Variants in SMARCC1 observed in about 807,000 individuals in gnomAD.
SMARCC1 encodes the protein SWI/SNF complex subunit SMARCC1.
A neutral mutation model predicts 147.4 loss-of-function variants in SMARCC1; 43 were observed. The ratio of observed to expected loss-of-function variants is 0.29; its 90% confidence interval spans 0.23 to 0.38. The LOEUF (loss-of-function observed/expected upper bound fraction) is 0.38. Among genes scored for constraint, SMARCC1 ranks in the 10% least tolerant of loss-of-function variants. The pLI is 1.00. For missense variants in SMARCC1, 1,119 were observed against 1,381.1 expected, an observed-to-expected ratio of 0.81 and a Z score of 3.01; for synonymous variants, 495 against 484.4, an observed-to-expected ratio of 1.02 and a Z score of -0.29.
chr3:47,763,418 A>AAT (rs1457528501), intron 2 of SMARCC1, among the ~76,000 whole-genome samples: 1 of 151,674 alleles, frequency 6.6e-6, no homozygotes, highest in East Asian at 1.9e-4. Flanking sequence ...AAAAAAAAAA[A>AAT]AAATTATAAA....
chr3:47,660,854 T>A (rs983168995), intron 21 of SMARCC1, among the ~76,000 whole-genome samples: 3 of 152,204 alleles, frequency 2.0e-5, no homozygotes, highest in Non-Finnish European at 2.9e-5. Context: ...CTAGGTTATA[T>A]ACTTTTAAGC....
chr3:47,671,196 A>AAAAAAAACC (rs753672169), intron 18 of SMARCC1, among the ~76,000 whole-genome samples: 1 of 81,144 alleles, frequency 1.2e-5, no homozygotes, highest in African/African-American at 4.0e-5. Context: ...AAAAAAAAAA[A>AAAAAAAACC]AACACACACA....
chr3:47,617,835 C>A (rs1438149489), intron 25 of SMARCC1, among the ~76,000 whole-genome samples: 3 of 152,160 alleles, frequency 2.0e-5, no homozygotes, highest in African/African-American at 7.2e-5. Flanking sequence ...ATTCACCTAA[C>A]CCAGATCCAA....
At chr3:47,775,870 G>A (rs561675209) in intron 1 of SMARCC1, among the ~76,000 whole-genome samples, 7 of 152,000 alleles carry the variant, frequency 4.6e-5, no homozygotes, top group South Asian at 2.1e-4. Flanking sequence ...AACTCTGGCC[G>A]GATGCAGTGA....
intron 24 of SMARCC1, among the ~76,000 whole-genome samples, chr3:47,626,272 G>C (rs999347996): frequency 6.6e-6 from 1 of 151,614 alleles, no homozygotes; most frequent in African/African-American, 2.4e-5. Flanking sequence ...GCAGTCTCCT[G>C]AACAGCTGGG....
At chr3:47,637,231 G>C (rs917431894) in intron 22 of SMARCC1, among the ~76,000 whole-genome samples, 3 of 152,128 alleles carry the variant, frequency 2.0e-5, no homozygotes, top group African/African-American at 7.2e-5. Context: ...TTAAAAATGT[G>C]AAGTACAAAT....
Position 47,677,558 on chromosome 3 carries a change from GT to G in SMARCC1, c.1571+639del, listed in dbSNP as rs573194785. Among the ~76,000 whole-genome samples the G allele has an allele frequency of 4.2e-3, 605 of 145,602 alleles. 4 individuals are homozygous for G. Among genetic ancestry groups the G allele is most frequent in the African/African-American group, 0.01 (419 of 40,114 alleles). ...GGCTAAATTAAATATTTTATTTTGT[GT>G]TTTTTTTTTTGAGACACAATCTTGC... On this transcript the variant is annotated intron_variant, in intron 16 of 27. Coordinates refer to ENST00000254480, the MANE Select transcript of SMARCC1 (RefSeq NM_003074.4).
chr3:47,761,776 A>C (rs1434109100), intron 2 of SMARCC1, among the ~76,000 whole-genome samples: 4 of 152,182 alleles, frequency 2.6e-5, no homozygotes, highest in African/African-American at 4.8e-5. Flanking sequence ...AAGAGAGATC[A>C]TAACATTTGC....
At chr3:47,647,032 C>A (rs1287887719) in intron 21 of SMARCC1, among the ~76,000 whole-genome samples, 1 of 152,210 alleles carries the variant, frequency 6.6e-6, no homozygotes, top group Non-Finnish European at 1.5e-5. Context: ...CATAATAACA[C>A]TAAGATGTTA....
In SMARCC1 at chr3:47,662,583, T is replaced by A; in HGVS notation, c.1909A>T (p.Met637Leu). The part of the protein sequence containing the change: ...ETLLLLEALE[M>L]YKDDWNKVSE... ...ACTTTGTTCCAATCATCCTTGTACA[T>A]CTCCAGGGCCTAAGACAGAAAAAAC... Residue 637 changes from methionine (M) to leucine (L), a missense_variant, in exon 20 of 28, where the codon ATG becomes TTG. Met to Leu is a conservative substitution (Grantham distance 15). Transcript: ENST00000254480. The A allele has an allele frequency of 6.2e-7, 1 of 1,613,834 alleles. No individual in the cohort carries two copies. The highest frequency in any genetic ancestry group is 8.5e-7 in the Non-Finnish European group (1 of 1,179,838).
intron 25 of SMARCC1, 24 bp from the exon 26 acceptor site, chr3:47,610,351 G>T: frequency 6.2e-7 from 1 of 1,613,710 alleles, no homozygotes; most frequent in Non-Finnish European, 8.5e-7. Context: ...AAGTGGAAGA[G>T]AAATGACACC....
chr3:47,748,020 T>C (rs960851013), intron 2 of SMARCC1, among the ~76,000 whole-genome samples: 6 of 151,792 alleles, frequency 4.0e-5, no homozygotes, highest in African/African-American at 9.7e-5. Flanking sequence ...TAGCCAGGCA[T>C]GGTGGCGGGC....
intron 2 of SMARCC1, 57 bp downstream of exon 2, chr3:47,772,760 A>G: frequency 6.8e-7 from 1 of 1,466,924 alleles, no homozygotes; most frequent in Non-Finnish European, 9.2e-7. Context: ...TGGATGCTAC[A>G]CCTAAAAGTA....
Position 47,686,080 on chromosome 3 carries a change from GAAT to G in SMARCC1, c.1351_1353del (p.Ile451del). On this transcript the variant is annotated inframe_deletion, in exon 14 of 28. Coordinates refer to ENST00000254480, the MANE Select transcript of SMARCC1 (RefSeq NM_003074.4). ...TAATCAAACCATGATGCATAACTAG[GAAT>G]AATAATGTGATTGGTCTGCTCTGTC... 1 of 1,610,200 alleles carries G rather than the reference GAAT, an allele frequency of 6.2e-7. No homozygotes were observed. Among genetic ancestry groups the G allele is most frequent in the Non-Finnish European group, 8.5e-7 (1 of 1,177,392 alleles).
intron 21 of SMARCC1, among the ~76,000 whole-genome samples, chr3:47,650,276 A>AAAT (rs34728200): frequency 0.14 from 19,198 of 138,306 alleles, 1,516 homozygotes; most frequent in Admixed American, 0.18. Flanking sequence ...ACTCTGTTTA[A>AAAT]AATAATAATA....
intron 10 of SMARCC1, among the ~76,000 whole-genome samples, chr3:47,705,186 G>A (rs1434121864): frequency 2.6e-5 from 4 of 151,562 alleles, no homozygotes; most frequent in Non-Finnish European, 4.4e-5. Context: ...TTAGCTGGGC[G>A]TGGTGGCACG....
chr3:47,752,508 G>A (rs907360217), intron 2 of SMARCC1, among the ~76,000 whole-genome samples: 1 of 152,156 alleles, frequency 6.6e-6, no homozygotes, highest in Non-Finnish European at 1.5e-5. Flanking sequence ...AAAGGCAGCC[G>A]GATGCAGTGG....
chr3:47,625,252 G>A (rs1430101112), intron 24 of SMARCC1, among the ~76,000 whole-genome samples: 4 of 151,700 alleles, frequency 2.6e-5, no homozygotes, highest in African/African-American at 7.3e-5. Context: ...TTGAGGCCAG[G>A]AGTTTGATAC....
intron 24 of SMARCC1, among the ~76,000 whole-genome samples, chr3:47,630,240 T>C (rs980967765): frequency 6.6e-6 from 1 of 152,042 alleles, no homozygotes; most frequent in African/African-American, 2.4e-5. Flanking sequence ...GACATTAGAT[T>C]CTCAAATGAA....
Sources: gnomAD v4.1 joint callset for allele counts (sites outside exome capture counted in the v4.1 genomes callset) on GRCh38, gnomAD v4.1.1 for gene constraint, MANE v1.5 for transcripts, NCBI Gene and HGNC (gene_info 2026-07-23, HGNC 2026-07-21) for gene names.